Variants in CDC42SE2 observed in about 807,000 individuals in gnomAD.
CDC42SE2 encodes CDC42 small effector protein 2.
A neutral mutation model predicts 11.5 loss-of-function variants in CDC42SE2; 3 were observed. The ratio of observed to expected loss-of-function variants is 0.26; its 90% CI spans 0.12 to 0.67. CDC42SE2 has a LOEUF of 0.67. Among genes scored for constraint, CDC42SE2 ranks in the 30% least tolerant of loss-of-function variants. CDC42SE2 has a pLI of 0.80. For missense variants in CDC42SE2, 82 were observed against 106.8 expected, an observed-to-expected ratio of 0.77 and a Z score of 1.02; for synonymous variants, 33 against 34.8, an observed-to-expected ratio of 0.95 and a Z score of 0.18.
chr5:131,230,264 T>TA, the CDC42SE2 span, among the ~76,000 whole-genome samples: 1 of 152,214 alleles, frequency 6.6e-6, no homozygotes, highest in Non-Finnish European at 1.5e-5. Flanking sequence ...CAGGCATCTT[T>TA]GTCCTGTACT....
the CDC42SE2 span, among the ~76,000 whole-genome samples, chr5:131,216,501 C>CAAAAAAAAAAAAAAAAAA: frequency 3.1e-4 from 13 of 42,164 alleles, no homozygotes; most frequent in African/African-American, 1.2e-3. Flanking sequence ...GAACCTGTCT[C>CAAAAAAAAAAAAAAAAAA]AAAAAAAAAA....
At chr5:131,318,774 C>T (rs1375600044) in intron 2 of CDC42SE2, among the ~76,000 whole-genome samples, 2 of 152,204 alleles carry the variant, frequency 1.3e-5, no homozygotes, top group African/African-American at 4.8e-5. Context: ...CTAGCTGATA[C>T]ATCTTTCTCA....
intron 2 of CDC42SE2, among the ~76,000 whole-genome samples, chr5:131,357,274 T>C (rs1230672180): frequency 6.6e-6 from 1 of 152,248 alleles, no homozygotes; most frequent in Non-Finnish European, 1.5e-5. Context: ...GGATGTATGC[T>C]TAAATCTTAA....
intron 1 of CDC42SE2, among the ~76,000 whole-genome samples, chr5:131,276,454 A>C (rs1174663057): frequency 1.3e-5 from 2 of 152,052 alleles, no homozygotes; most frequent in African/African-American, 2.4e-5. Flanking sequence ...GTTTCAAAAA[A>C]AAAAAAAATC....
upstream of CDC42SE2, among the ~76,000 whole-genome samples, chr5:131,243,901 A>T (rs1756559313): frequency 6.6e-6 from 1 of 152,248 alleles, no homozygotes; most frequent in Non-Finnish European, 1.5e-5. Flanking sequence ...GATCCCAGCA[A>T]CAGCAATGGA....
At chr5:131,283,425 T>C (rs1561571525) in intron 1 of CDC42SE2, among the ~76,000 whole-genome samples, 1 of 152,234 alleles carries the variant, frequency 6.6e-6, no homozygotes, top group Non-Finnish European at 1.5e-5. Context: ...ATGTGACCTT[T>C]TGTGTCTGGC....
chr5:131,283,191 T>C (rs1209829108), intron 1 of CDC42SE2, among the ~76,000 whole-genome samples: 1 of 152,082 alleles, frequency 6.6e-6, no homozygotes, highest in Non-Finnish European at 1.5e-5. Context: ...CCTCCCAAAG[T>C]GCTGGGATTA....
intron 3 of CDC42SE2, among the ~76,000 whole-genome samples, chr5:131,368,986 G>T (rs1414992866): frequency 6.6e-6 from 1 of 152,150 alleles, no homozygotes; most frequent in Non-Finnish European, 1.5e-5. Context: ...TTAAGAAATA[G>T]GACATTGCCA....
chr5:131,378,418 T>C (rs1279689166), intron 3 of CDC42SE2, among the ~76,000 whole-genome samples: 1 of 115,368 alleles, frequency 8.7e-6, no homozygotes, highest in Non-Finnish European at 1.6e-5. Context: ...ACTGGCATCA[T>C]AGAAAAAAAA....
At chr5:131,211,939 G>A in the CDC42SE2 span, among the ~76,000 whole-genome samples, 1 of 82,050 alleles carries the variant, frequency 1.2e-5, no homozygotes. Context: ...AGCCATGATG[G>A]CACCACTGGA....
intron 2 of CDC42SE2, among the ~76,000 whole-genome samples, chr5:131,317,540 T>G (rs560084892): frequency 5.0e-4 from 76 of 152,078 alleles, no homozygotes; most frequent in African/African-American, 1.6e-3. Flanking sequence ...GAGGGAAGTT[T>G]GGCGGTGATG....
chr5:131,344,361 C>G (rs192418761), intron 2 of CDC42SE2, among the ~76,000 whole-genome samples: 1 of 152,190 alleles, frequency 6.6e-6, no homozygotes, highest in African/African-American at 2.4e-5. Flanking sequence ...TATCCTGCGC[C>G]TGACTAAGAG....
At position 131,293,681 on chromosome 5, in the gene CDC42SE2, A is replaced by G. The variant is rs564104900; in HGVS notation, c.-454-22295A>G. On this transcript the variant is annotated intron_variant, in intron 1 of 4. Coordinates refer to ENST00000505065, the MANE Select transcript of CDC42SE2 (RefSeq NM_001375635.1). ...TATGAGAAACAAATTTTCATTGTGT[A>G]TAGGCTACCTAGTTTATGGTATTTT... Among the ~76,000 whole-genome samples, 9 of 152,234 alleles carry G rather than the reference A, an allele frequency of 5.9e-5. No homozygotes were observed. The South Asian group carries it at 1.5e-3, about 25-fold the overall frequency.
chr5:131,335,360 A>G (rs1435827295), intron 2 of CDC42SE2, among the ~76,000 whole-genome samples: 3 of 151,834 alleles, frequency 2.0e-5, no homozygotes, highest in Non-Finnish European at 2.9e-5. Context: ...GTTCTTTTCC[A>G]TTTGCTGAGG....
chr5:131,260,495 C>T (rs949456264), upstream of CDC42SE2, among the ~76,000 whole-genome samples: 8 of 149,524 alleles, frequency 5.4e-5, no homozygotes, highest in Non-Finnish European at 1.0e-4. Flanking sequence ...TGGTGGTGGG[C>T]GCCTGTAATC....
chr5:131,307,364 A>G (rs549049896), intron 1 of CDC42SE2, among the ~76,000 whole-genome samples: 20 of 151,660 alleles, frequency 1.3e-4, no homozygotes, highest in Admixed American at 4.6e-4. Flanking sequence ...ATGGTTTCCA[A>G]TTTCATCCAT....
chr5:131,212,904 A>C, the CDC42SE2 span, among the ~76,000 whole-genome samples: 2 of 152,060 alleles, frequency 1.3e-5, no homozygotes, highest in Admixed American at 6.6e-5. Context: ...AAAAAATAAT[A>C]ATCCGGCTGG....
chr5:131,280,991 A>G lies in CDC42SE2; in HGVS notation c.-455+16825A>G, dbSNP rs919136158. The stretch of plus-strand genomic sequence containing the variant: ...AAAAATCCTTGTGGAAGAATTGCTC[A>G]TATATATTGGTATATTGCATTCTTT... On this transcript the variant is annotated intron_variant, in intron 1 of 4. Coordinates refer to ENST00000505065, the MANE Select transcript of CDC42SE2 (RefSeq NM_001375635.1). Among the ~76,000 whole-genome samples, 7 of 152,320 alleles carry G rather than the reference A, an allele frequency of 4.6e-5. No homozygotes were observed. The South Asian group carries it at 6.2e-4, about 14-fold the overall frequency.
the CDC42SE2 span, among the ~76,000 whole-genome samples, chr5:131,211,957 G>A: frequency 2.2e-5 from 2 of 90,260 alleles, no homozygotes; most frequent in Non-Finnish European, 4.0e-5. Flanking sequence ...GGACTTCACA[G>A]TGAGCCATGA....
Sources: allele counts gnomAD v4.1 joint callset (sites outside exome capture counted in the v4.1 genomes callset), GRCh38; gene constraint gnomAD v4.1.1; transcripts MANE v1.5; gene names NCBI Gene and HGNC (gene_info 2026-07-23, HGNC 2026-07-21).